Variants in REST observed in about 807,000 individuals in gnomAD.
REST encodes the protein RE1-silencing transcription factor.
Under a neutral mutation model 30.4 loss-of-function variants are expected in REST, and 1 was observed. The ratio of observed to expected loss-of-function variants is 0.03; its 90% CI spans 0.01 to 0.16. The LOEUF (loss-of-function observed/expected upper bound fraction) is 0.16, where lower values mean the gene tolerates loss of function less well. REST is among the 10% of genes least tolerant of loss of function. The probability of loss-of-function intolerance (pLI) is 1.00; values close to 1 mark genes in which losing one functional copy is unlikely to be tolerated. For synonymous variants in REST, 504 were observed against 451.1 expected, an observed-to-expected ratio of 1.12 and a Z score of -1.49; for missense variants, 1,259 against 1,329.5, an observed-to-expected ratio of 0.95 and a Z score of 0.82.
intron 2 of REST, among the ~76,000 whole-genome samples, chr4:56,914,341 T>G (rs1720078796): frequency 6.6e-6 from 1 of 152,114 alleles, no homozygotes; most frequent in Non-Finnish European, 1.5e-5. Flanking sequence ...ATTACAAGAG[T>G]GACCTCTGTT....
chr4:56,915,983 C>T (rs1419290674), intron 2 of REST, among the ~76,000 whole-genome samples: 1 of 152,174 alleles, frequency 6.6e-6, no homozygotes, highest in Non-Finnish European at 1.5e-5. Context: ...CGCCTGTAAT[C>T]CTAGCACTTT....
intron 2 of REST, among the ~76,000 whole-genome samples, chr4:56,918,721 G>A (rs1720314961): frequency 6.6e-6 from 1 of 151,946 alleles, no homozygotes; most frequent in Non-Finnish European, 1.5e-5. Context: ...CCAGGCTGGA[G>A]CACGGTGGTA....
At chr4:56,908,450 T>C (rs1719723479) in intron 1 of REST, among the ~76,000 whole-genome samples, 1 of 151,564 alleles carries the variant, frequency 6.6e-6, no homozygotes, top group Non-Finnish European at 1.5e-5. Flanking sequence ...GAGCAGCGCG[T>C]CGCCTGGACC....
At chr4:56,926,705 A>G (rs1720727797) in intron 3 of REST, among the ~76,000 whole-genome samples, 1 of 152,140 alleles carries the variant, frequency 6.6e-6, no homozygotes, top group South Asian at 2.1e-4. Flanking sequence ...GTGAACAATT[A>G]TAGGTAACAC....
rs375525364 is a variant in REST at position 56,911,544 on chromosome 4, A to C, written c.898+8A>C. 1.9e-6 allele frequency: 3 copies of C among 1,603,282 alleles called. No individual in the cohort carries two copies. Among genetic ancestry groups the C allele is most frequent in the Non-Finnish European group, 2.6e-6 (3 of 1,172,284 alleles). ...ATGTTAGAACTCATACAGGTAAGAGAAGCTTTCTAGTCCATAAGTTCAGTT... is the reference window on the plus strand; with the variant it reads ...ATGTTAGAACTCATACAGGTAAGAGCAGCTTTCTAGTCCATAAGTTCAGTT... On this transcript the variant is annotated splice_region_variant and intron_variant, in intron 2 of 3. Coordinates refer to ENST00000309042, the MANE Select transcript of REST (RefSeq NM_005612.5).
chr4:56,915,240 ATTTTTTTTTT>A (rs1193678055), intron 2 of REST, among the ~76,000 whole-genome samples: 1 of 55,516 alleles, frequency 1.8e-5, no homozygotes, highest in Non-Finnish European at 3.1e-5. Context: ...GTGTGTGTGT[ATTTTTTTTTT>A]TTTTTTTTTT....
rs1269579269 is a variant in REST, at chr4:56,930,910, C to A, written c.2052C>A (p.His684Gln). ...QMVGAQIVLA[H>Q]MELPPPMETA... Reference sequence around the variant, plus strand: ...TGGGTGCCCAAATTGTACTTGCTCACATGGAGCTGCCTCCTCCCATGGAGA... The same window carrying A: ...TGGGTGCCCAAATTGTACTTGCTCAAATGGAGCTGCCTCCTCCCATGGAGA... Residue 684 changes from histidine (H) to glutamine (Q), a missense_variant, in exon 4 of 4, where the codon CAC (histidine) becomes CAA (glutamine). His to Gln is a conservative substitution (Grantham distance 24). Around this residue, in one of 5 missense-constraint regions of REST, gnomAD observed 856 missense variants for 772.8 expected, o/e 1.11. Coordinates refer to ENST00000309042, the MANE Select transcript of REST (RefSeq NM_005612.5). 6.2e-7 allele frequency: 1 copy of A among 1,613,296 alleles called. No individual in the cohort carries two copies. Among genetic ancestry groups the A allele is most frequent in the East Asian group, 2.2e-5 (1 of 44,798 alleles).
In REST at chr4:56,932,401, T is replaced by C. The variant is rs1404543708; in HGVS notation, c.*249T>C. The C allele has an allele frequency of 2.7e-6, 1 of 373,342 alleles. No homozygotes were observed. The highest frequency in any genetic ancestry group is 4.8e-6 in the Non-Finnish European group (1 of 208,676). 23.1% of individuals were successfully genotyped at this position (373,342 alleles called of 1,614,324 possible). ...ATGTGTTTAATTGAAATTAGAAGGC[T>C]AAGATGGTATAACAGCATTTTATTG... On this transcript the variant is annotated 3_prime_UTR_variant, in exon 4 of 4. Transcript: ENST00000309042.
rs951260896 is a variant in REST at position 56,913,717 on chromosome 4, C to T, written c.898+2181C>T. On this transcript the variant is annotated intron_variant, in intron 2 of 3. Transcript: ENST00000309042. ...AGGCTGGAGTGCAGTGACGCGATCT[C>T]GGCTCACTACAACCTCCACCTCCCA... 4.6e-5 allele frequency among the ~76,000 whole-genome samples: 7 copies of T among 152,208 alleles called. No individual in the cohort carries two copies. The South Asian group carries it at 8.3e-4, about 18-fold the overall frequency.
chr4:56,929,158 C>T lies in REST; in HGVS notation c.983-683C>T, dbSNP rs184313439. 7.2e-4 allele frequency among the ~76,000 whole-genome samples: 109 copies of T among 151,626 alleles called. 2 individuals carry two copies. Among genetic ancestry groups the T allele is most frequent in the East Asian group, 5.8e-4 (3 of 5,140 alleles). On this transcript the variant is annotated intron_variant, in intron 3 of 3. Coordinates refer to ENST00000309042, the MANE Select transcript of REST (RefSeq NM_005612.5). ...TCTCAGCTCACTGCAACCTCTGCCT[C>T]CTGGGTTAAAGCAATTCTCGTGTCT...
In REST at chr4:56,932,588, A is replaced by AT. The variant is rs11336958; in HGVS notation, c.*447dup. Reference sequence around the variant, plus strand: ...CTTTATATAAAGTTAGCACTTTAAGATTTTTTTTTTTAGAGATGAGAAGAC... The same window carrying AT: ...CTTTATATAAAGTTAGCACTTTAAGATTTTTTTTTTTTAGAGATGAGAAGAC... On this transcript the variant is annotated 3_prime_UTR_variant, in exon 4 of 4. Coordinates refer to ENST00000309042, the MANE Select transcript of REST (RefSeq NM_005612.5). The AT allele has an allele frequency of 2.1e-4, 32 of 150,618 alleles. No homozygotes were observed. Among genetic ancestry groups the AT allele is most frequent in the South Asian group, 4.2e-4 (2 of 4,798 alleles). The allele number at this position is 150,618 out of a possible 1,614,324, so 9.3% of individuals were successfully genotyped here.
chr4:56,932,498 G>GT lies in REST; in HGVS notation c.*352dup, dbSNP rs551502862. The GT allele has an allele frequency of 5.4e-5, 9 of 168,080 alleles. No individual in the cohort carries two copies. The South Asian group carries it at 1.6e-3, about 29-fold the overall frequency. 10.4% of individuals were successfully genotyped at this position (168,080 alleles called of 1,614,324 possible). On this transcript the variant is annotated 3_prime_UTR_variant, in exon 4 of 4. Transcript: ENST00000309042. ...CCTGTTTCACTTTAGTTTATTCTTC[G>GT]TTTTTTATTGAGATCTATAAAAAAT...
chr4:56,929,768 T>C (rs1720880608), intron 3 of REST, 73 bp from the exon 4 acceptor site: 2 of 1,351,432 alleles, frequency 1.5e-6, no homozygotes, highest in Non-Finnish European at 2.0e-6. Context: ...ACTTTACATA[T>C]ACAGTTCTTT....
In REST at chr4:56,911,224, G is replaced by A; in HGVS notation, c.586G>A (p.Ala196Thr). The change falls in exon 2 of 4, where the codon GCA becomes ACA. Residue 196 changes from alanine to threonine, a missense_variant. By Grantham distance (58) the Ala-to-Thr change is moderately conservative (BLOSUM62 0). This residue lies in a region of REST where 249 missense variants were observed against 251.5 expected (regional missense o/e 0.99). Coordinates refer to ENST00000309042, the MANE Select transcript of REST (RefSeq NM_005612.5). ...FFVEESAEKQAKARESGSSTA... is the reference protein window; with the variant it reads ...FFVEESAEKQTKARESGSSTA... ...TGTGGAAGAGAGTGCAGAGAAGCAG[G>A]CAAAAGCCAGGGAATCTGGCTCTTC... 1.9e-6 allele frequency: 3 copies of A among 1,614,138 alleles called. No homozygotes were observed. Among genetic ancestry groups the A allele is most frequent in the Non-Finnish European group, 2.5e-6 (3 of 1,180,034 alleles).
chr4:56,912,945 C>T lies in REST; in HGVS notation c.898+1409C>T, dbSNP rs182877760. Among the ~76,000 whole-genome samples, 51 of 150,110 alleles carry T rather than the reference C, an allele frequency of 3.4e-4. No homozygotes were observed. In the East Asian group the frequency reaches 7.6e-3, roughly 22 times the overall value. On this transcript the variant is annotated intron_variant, in intron 2 of 3. Coordinates refer to ENST00000309042, the MANE Select transcript of REST (RefSeq NM_005612.5). Reference sequence around the variant, plus strand: ...ATAGGGGTGGGCTACCGCACCCAGCCGAAACTTTTTTTTTTTTTTTAATTT... The same window carrying T: ...ATAGGGGTGGGCTACCGCACCCAGCTGAAACTTTTTTTTTTTTTTTAATTT...
intron 1 of REST, 52 bp from the exon 2 acceptor site, chr4:56,910,578 G>A: frequency 6.9e-7 from 1 of 1,453,600 alleles, no homozygotes; most frequent in South Asian, 1.3e-5. Context: ...TTTTAAGCCA[G>A]TAACAGTAGT....
At chr4:56,914,822 G>A (rs139378660) in intron 2 of REST, among the ~76,000 whole-genome samples, 2,813 of 151,838 alleles carry the variant, frequency 0.019, 96 homozygotes, top group African/African-American at 0.063. Context: ...CTGAAGTGCT[G>A]GGATTACAGG....
chr4:56,910,902 A>G lies in REST; in HGVS notation c.264A>G (p.Glu88=), dbSNP rs1578485324. ...GGGATAACAACTTTTCAGATAGTGA[A>G]GAAGGAGAAGGACTTGAAGAGTCTG... The part of the protein sequence containing the change: ...PVGDNNFSDS[E]EGEGLEESAD... The change falls in exon 2 of 4, where the codon GAA becomes GAG. Residue 88 remains glutamate, a synonymous_variant. Coordinates refer to ENST00000309042, the MANE Select transcript of REST (RefSeq NM_005612.5). The G allele has an allele frequency of 6.2e-7, 1 of 1,614,224 alleles. No individual in the cohort carries two copies. The highest frequency in any genetic ancestry group is 1.3e-5 in the African/African-American group (1 of 75,056).
At chr4:56,910,528 C>A in intron 1 of REST, 102 bp from the exon 2 acceptor site, 2 of 977,348 alleles carry the variant, frequency 2.0e-6, no homozygotes, top group East Asian at 2.6e-5. Context: ...AAAGATCATA[C>A]TGGAAAATTT....
Sources: allele counts gnomAD v4.1 joint callset (sites outside exome capture counted in the v4.1 genomes callset), GRCh38; gene constraint gnomAD v4.1.1; regional missense constraint gnomAD v4.1.1; transcripts MANE v1.5; gene names NCBI Gene and HGNC (gene_info 2026-07-23, HGNC 2026-07-21).